Variants in OSBPL1A observed in about 807,000 individuals in gnomAD.
OSBPL1A encodes the protein oxysterol binding protein like 1A, also known as oxysterol-binding protein-related protein 1.
OSBPL1A carries 80 observed loss-of-function variants against 137.1 expected under a neutral mutation model. The observed-to-expected ratio is 0.58, with a 90% CI of 0.49 to 0.70. OSBPL1A has a LOEUF of 0.70. Ranked by LOEUF, OSBPL1A falls within the 30% of genes least tolerant of loss-of-function variation. The pLI is 0.00. For synonymous variants in OSBPL1A, 365 were observed against 389.7 expected (o/e 0.94, Z 0.75); for missense variants, 970 against 1,129.4 (o/e 0.86, Z 2.02).
intron 15 of OSBPL1A, among the ~76,000 whole-genome samples, chr18:24,252,132 G>A (rs2089115857): frequency 6.6e-6 from 1 of 152,172 alleles, no homozygotes; most frequent in South Asian, 2.1e-4. Context: ...AGGAGGTAGA[G>A]AAAGAGGGGT....
intron 14 of OSBPL1A, chr18:24,301,315 T>C (rs1039749215): frequency 2.6e-5 from 4 of 152,230 alleles, no homozygotes; most frequent in African/African-American, 9.6e-5. Flanking sequence ...TGACATGTCA[T>C]ACAGGCAATC....
At chr18:24,363,428 CTTTCTT>C (rs1568054826) in intron 4 of OSBPL1A, among the ~76,000 whole-genome samples, 1 of 149,200 alleles carries the variant, frequency 6.7e-6, no homozygotes, top group African/African-American at 2.5e-5. Context: ...TATTACACTT[CTTTCTT>C]TTTCTTTTTT....
intron 7 of OSBPL1A, among the ~76,000 whole-genome samples, chr18:24,323,536 TTTC>T (rs2090908935): frequency 1.6e-5 from 1 of 62,846 alleles, no homozygotes; most frequent in Non-Finnish European, 2.9e-5. Context: ...GGTGAGGCTT[TTTC>T]TTTTTTTTTT....
At chr18:24,224,728 T>C (rs2088010203) in intron 17 of OSBPL1A, among the ~76,000 whole-genome samples, 1 of 152,166 alleles carries the variant, frequency 6.6e-6, no homozygotes, top group African/African-American at 2.4e-5. Flanking sequence ...AAAAGATGTA[T>C]GATGAGAAAG....
intron 3 of OSBPL1A, 87 bp downstream of exon 3, chr18:24,368,200 C>G (rs1905310104): frequency 1.1e-6 from 1 of 923,002 alleles, no homozygotes; most frequent in Admixed American, 2.1e-5. Flanking sequence ...CATTATGGCT[C>G]AGGTGGCTTT....
At chr18:24,337,779 A>G (rs1254530074) in intron 5 of OSBPL1A, among the ~76,000 whole-genome samples, 1 of 151,164 alleles carries the variant, frequency 6.6e-6, no homozygotes, top group African/African-American at 2.4e-5. Flanking sequence ...TATATTATAT[A>G]ATATTATGTT....
chr18:24,163,105 A>C lies in OSBPL1A; in HGVS notation c.*74T>G. The C allele has an allele frequency of 1.8e-6, 2 of 1,138,602 alleles. No homozygotes were observed. Among genetic ancestry groups the C allele is most frequent in the Non-Finnish European group, 2.5e-6 (2 of 797,620 alleles). The allele number at this position is 1,138,602 out of a possible 1,614,324, so 70.5% of individuals were successfully genotyped here. On this transcript the variant is annotated 3_prime_UTR_variant, in exon 28 of 28. Transcript: ENST00000319481. ...TTTTTTTAAAAGATAAGTAGAAACC[A>C]AGGGAAAAAAATTTAAAAACATAGG...
chr18:24,315,571 A>G (rs1382370392), intron 11 of OSBPL1A, among the ~76,000 whole-genome samples: 2 of 125,488 alleles, frequency 1.6e-5, no homozygotes, highest in African/African-American at 6.2e-5. Context: ...TATTATGATT[A>G]TTATATATTA....
chr18:24,288,640 C>T (rs192488290), intron 14 of OSBPL1A, among the ~76,000 whole-genome samples: 6 of 152,162 alleles, frequency 3.9e-5, no homozygotes, highest in East Asian at 3.9e-4. Context: ...TGGTGGCACA[C>T]GCCTGTAATC....
Position 24,300,537 on chromosome 18 carries a change from A to C in OSBPL1A, c.1174+3100T>G, listed in dbSNP as rs1599636221. On this transcript the variant is annotated intron_variant, in intron 14 of 27. Coordinates refer to ENST00000319481, the MANE Select transcript of OSBPL1A (RefSeq NM_080597.4). ...GCTTCTGATTCAACTACCCTCAAGG[A>C]TGGAATGCAGGGAGAGTCCCAGGAG... 2.6e-5 allele frequency among the ~76,000 whole-genome samples: 4 copies of C among 152,204 alleles called. No homozygotes were observed. In the East Asian group the frequency reaches 7.7e-4, roughly 29 times the overall value.
chr18:24,221,016 A>T (rs979060260), intron 17 of OSBPL1A, among the ~76,000 whole-genome samples: 1 of 152,058 alleles, frequency 6.6e-6, no homozygotes, highest in Admixed American at 6.6e-5. Flanking sequence ...CCTGGCCTCA[A>T]GTGATCCACC....
At chr18:24,347,734 C>T (rs1207082639) in intron 4 of OSBPL1A, 3 of 145,512 alleles carry the variant, frequency 2.1e-5, no homozygotes, top group Non-Finnish European at 3.0e-5. Context: ...CCCAACTACT[C>T]GGGAGGGTGA....
intron 7 of OSBPL1A, among the ~76,000 whole-genome samples, chr18:24,332,402 A>AG (rs1189285244): frequency 7.8e-6 from 1 of 127,988 alleles, no homozygotes; most frequent in East Asian, 2.0e-4. Context: ...AAAAAAAAAA[A>AG]AAAAAAAAAA....
intron 14 of OSBPL1A, among the ~76,000 whole-genome samples, chr18:24,291,760 G>C (rs1236946429): frequency 8.8e-6 from 1 of 113,352 alleles, no homozygotes; most frequent in African/African-American, 3.9e-5. Flanking sequence ...AAGGGGACTT[G>C]GGGGACAGGG....
intron 15 of OSBPL1A, among the ~76,000 whole-genome samples, chr18:24,255,144 T>C (rs1260215558): frequency 1.3e-5 from 2 of 152,020 alleles, no homozygotes; most frequent in Non-Finnish European, 2.9e-5. Context: ...ACACCAAGAT[T>C]GAACCATGAA....
intron 17 of OSBPL1A, among the ~76,000 whole-genome samples, chr18:24,206,179 C>T (rs1487238684): frequency 1.3e-5 from 2 of 152,184 alleles, no homozygotes; most frequent in Non-Finnish European, 2.9e-5. Context: ...GTGTGAGCCA[C>T]CACACCTGGA....
intron 27 of OSBPL1A, among the ~76,000 whole-genome samples, chr18:24,164,012 G>A (rs573983163): frequency 6.6e-6 from 1 of 152,218 alleles, no homozygotes; most frequent in Admixed American, 6.5e-5. Context: ...TTACAGGTGT[G>A]AGCCACCGCA....
chr18:24,387,711 G>A (rs2144273555), intron 1 of OSBPL1A, among the ~76,000 whole-genome samples: 1 of 151,872 alleles, frequency 6.6e-6, no homozygotes, highest in East Asian at 1.9e-4. Flanking sequence ...ACTGCACCCA[G>A]CCCACAATTT....
rs770000471 is a variant in OSBPL1A at position 24,163,241 on chromosome 18, C to T, written c.2791G>A (p.Asp931Asn). The change falls in exon 28 of 28, where the codon GAC (aspartate) becomes AAC (asparagine). Residue 931 changes from aspartate (D) to asparagine (N), a missense_variant. Physicochemically the swap from Asp to Asn is conservative, Grantham distance 23. Coordinates refer to ENST00000319481, the MANE Select transcript of OSBPL1A (RefSeq NM_080597.4). ...QGPNPYNGAQ[D>N]WIYSGSYWDR... ...CAGTAGCTGCCAGAGTAAATCCAGTCCTGTGCTCCATTGTAGGGATTAGGA... is the reference window on the plus strand; with the variant it reads ...CAGTAGCTGCCAGAGTAAATCCAGTTCTGTGCTCCATTGTAGGGATTAGGA... 1 of 1,613,410 alleles carries T rather than the reference C, an allele frequency of 6.2e-7. No homozygotes were observed. The highest frequency in any genetic ancestry group is 1.3e-5 in the African/African-American group (1 of 74,888).
Sources: allele counts gnomAD v4.1 joint callset (sites outside exome capture counted in the v4.1 genomes callset), GRCh38; gene constraint gnomAD v4.1.1; transcripts MANE v1.5; gene names NCBI Gene and HGNC (gene_info 2026-07-23, HGNC 2026-07-21).